RBFOX1: variants seen among roughly 807,000 people sequenced by gnomAD.
The protein encoded by RBFOX1 is RNA binding fox-1 homolog 1.
A neutral mutation model predicts 57.7 loss-of-function variants in RBFOX1; 8 were observed. That is an observed-to-expected ratio of 0.14 (90% confidence interval 0.08 to 0.25). The LOEUF (loss-of-function observed/expected upper bound fraction) is 0.25. RBFOX1 is among the 10% of genes least tolerant of loss of function. RBFOX1 has a pLI of 1.00. For missense variants in RBFOX1, 611 were observed against 548.5 expected (o/e 1.11, Z -1.14); for synonymous variants, 326 against 222.4 (o/e 1.47, Z -4.15).
chr16:6,440,799 T>TG lies in RBFOX1; in HGVS notation c.-64+123744dup, dbSNP rs751976196. On this transcript the variant is annotated intron_variant, in intron 2 of 15. Coordinates refer to ENST00000550418, the MANE Select transcript of RBFOX1 (RefSeq NM_018723.4). ...CTGGGTGACAGAGCGAGACACCATC[T>TG]GGAAAAAAAAAAAAAAAAAAATCAG... Among the ~76,000 whole-genome samples, 95 of 105,618 alleles carry TG rather than the reference T, an allele frequency of 9.0e-4. 2 individuals carry two copies. Among genetic ancestry groups the TG allele is most frequent in the South Asian group, 1.7e-3 (6 of 3,616 alleles). 69.3% of individuals were successfully genotyped at this position (105,618 alleles called of 152,430 possible).
chr16:6,781,970 C>G (rs2081091626), intron 3 of RBFOX1, among the ~76,000 whole-genome samples: 1 of 151,934 alleles, frequency 6.6e-6, no homozygotes, highest in South Asian at 2.1e-4. Context: ...TTTTCTAGTT[C>G]TTTAAGATGC....
chr16:6,865,225 A>G (rs985886460), intron 3 of RBFOX1, among the ~76,000 whole-genome samples: 3 of 151,126 alleles, frequency 2.0e-5, no homozygotes, highest in South Asian at 2.1e-4. Context: ...CTGGTCTCGA[A>G]CTCCTGACCT....
intron 2 of RBFOX1, among the ~76,000 whole-genome samples, chr16:6,426,085 CCTCT>C (rs145432245): frequency 3.4e-4 from 48 of 141,548 alleles, no homozygotes; most frequent in African/African-American, 6.9e-4. Context: ...TCATTTTCTC[CCTCT>C]CTCTCTCTCT....
At chr16:7,194,320 A>G (rs192155500) in intron 4 of RBFOX1, among the ~76,000 whole-genome samples, 3 of 152,336 alleles carry the variant, frequency 2.0e-5, no homozygotes, top group South Asian at 2.1e-4. Context: ...TTGTTATTTT[A>G]TCATTTACAT....
At chr16:5,263,063 G>T (rs764864530) in intron 1 of RBFOX1, among the ~76,000 whole-genome samples, 1 of 151,914 alleles carries the variant, frequency 6.6e-6, no homozygotes, top group African/African-American at 2.4e-5. Flanking sequence ...GCTAACAATG[G>T]CAGGGTGACG....
chr16:6,719,362 A>G (rs1166119692), intron 3 of RBFOX1, among the ~76,000 whole-genome samples: 7 of 152,204 alleles, frequency 4.6e-5, no homozygotes, highest in Admixed American at 3.9e-4. Context: ...CAGTGTTAAA[A>G]TTATCAGGGA....
At position 5,326,148 on chromosome 16, in the gene RBFOX1, C is replaced by A. The variant is rs79377484; in HGVS notation, c.219+86043C>A. On this transcript the variant is annotated intron_variant, in intron 1 of 2. Coordinates refer to the RBFOX1 transcript ENST00000585867. ...GTATCGTCAGCATTTTTAATTTAGC[C>A]ATTCTGATAGGCATGTCCTAGGATC... Among the ~76,000 whole-genome samples, 1,262 of 152,274 alleles carry A rather than the reference C, an allele frequency of 8.3e-3. 16 individuals are homozygous for A. The highest frequency in any genetic ancestry group is 0.029 in the African/African-American group (1,217 of 41,542).
chr16:6,231,179 C>T (rs1000952075), intron 1 of RBFOX1, among the ~76,000 whole-genome samples: 3 of 150,782 alleles, frequency 2.0e-5, no homozygotes, highest in Admixed American at 6.6e-5. Flanking sequence ...GAAGTCGGGG[C>T]TGTTTTAGAG....
intron 3 of RBFOX1, among the ~76,000 whole-genome samples, chr16:5,769,754 C>A (rs2053915525): frequency 6.6e-6 from 1 of 152,152 alleles, no homozygotes; most frequent in African/African-American, 2.4e-5. Context: ...TCCTGGAACA[C>A]ATCCTTCCCT....
intron 4 of RBFOX1, among the ~76,000 whole-genome samples, chr16:7,398,359 C>T (rs1266293935): frequency 6.6e-6 from 1 of 152,186 alleles, no homozygotes; most frequent in Admixed American, 6.5e-5. Context: ...AGAACTATCT[C>T]AGTGTTACAG....
intron 4 of RBFOX1, among the ~76,000 whole-genome samples, chr16:7,156,797 C>T (rs938471105): frequency 9.2e-5 from 14 of 152,234 alleles, no homozygotes; most frequent in South Asian, 4.1e-4. Context: ...ATACTTCTAT[C>T]TCTCTGTACT....
rs568825768 is a variant in RBFOX1, at chr16:5,398,973, C to A, written c.220-68243C>A. Among the ~76,000 whole-genome samples the A allele has an allele frequency of 1.8e-4, 27 of 152,278 alleles. No homozygotes were observed. The South Asian group carries it at 5.4e-3, about 30-fold the overall frequency. The stretch of plus-strand genomic sequence containing the variant: ...TGACTTTGCACTCTGCTCTCCAGTC[C>A]CAGCTTTTCTCCTTCTCTTCCCGCA... On this transcript the variant is annotated intron_variant, in intron 1 of 2. Coordinates refer to the RBFOX1 transcript ENST00000585867.
At chr16:6,008,777 C>G (rs2152335867) in intron 4 of RBFOX1, among the ~76,000 whole-genome samples, 1 of 152,332 alleles carries the variant, frequency 6.6e-6, no homozygotes, top group Middle Eastern at 3.4e-3. Context: ...AACATCTGTC[C>G]TGTGCTGTTC....
chr16:7,689,152 A>T (rs959778888), intron 14 of RBFOX1, among the ~76,000 whole-genome samples: 2 of 152,188 alleles, frequency 1.3e-5, no homozygotes, highest in Middle Eastern at 3.2e-3. Flanking sequence ...ACTTGCAGTC[A>T]TAAGTGCCCC....
chr16:7,639,342 C>T (rs2143017173), intron 11 of RBFOX1, among the ~76,000 whole-genome samples: 1 of 152,310 alleles, frequency 6.6e-6, no homozygotes, highest in Middle Eastern at 3.4e-3. Context: ...GACACTCCTT[C>T]TTCTCTTTTG....
chr16:6,591,558 G>A (rs763615469), intron 2 of RBFOX1, among the ~76,000 whole-genome samples: 1 of 152,182 alleles, frequency 6.6e-6, no homozygotes, highest in East Asian at 1.9e-4. Context: ...GTAGAGCTGG[G>A]AGAGGAGACC....
intron 4 of RBFOX1, among the ~76,000 whole-genome samples, chr16:7,371,059 C>T (rs953561717): frequency 6.6e-6 from 1 of 152,134 alleles, no homozygotes; most frequent in African/African-American, 2.4e-5. Context: ...GTTCTCCTCT[C>T]CTCTAAGCAC....
At chr16:6,222,433 C>T (rs1362173721) in intron 1 of RBFOX1, among the ~76,000 whole-genome samples, 2 of 151,770 alleles carry the variant, frequency 1.3e-5, no homozygotes, top group Non-Finnish European at 2.9e-5. Context: ...TTCTGCTTGC[C>T]TGGAGCATAG....
At chr16:5,759,258 C>A (rs1247066436) in intron 3 of RBFOX1, among the ~76,000 whole-genome samples, 2 of 152,154 alleles carry the variant, frequency 1.3e-5, no homozygotes, top group Non-Finnish European at 2.9e-5. Flanking sequence ...TACAGAAGAA[C>A]CAGTGGAAAC....
Sources: allele counts gnomAD v4.1 joint callset (sites outside exome capture counted in the v4.1 genomes callset), GRCh38; gene constraint gnomAD v4.1.1; transcripts MANE v1.5; gene names NCBI Gene and HGNC (gene_info 2026-07-23, HGNC 2026-07-21).